EXOSC2: variants seen among roughly 807,000 people sequenced by gnomAD.
EXOSC2 encodes the protein exosome complex component RRP4.
EXOSC2 carries 29 observed loss-of-function variants against 37.6 expected under a neutral mutation model. That is an observed-to-expected ratio of 0.77 (90% confidence interval 0.57 to 1.05). The LOEUF (loss-of-function observed/expected upper bound fraction) is 1.05, where lower values mean the gene tolerates loss of function less well. Among genes scored for constraint, EXOSC2 ranks in the 50% least tolerant of loss-of-function variants. The pLI is 0.00. For missense variants in EXOSC2, 346 were observed against 365.6 expected (o/e 0.95, Z 0.44); for synonymous variants, 119 against 131.1 (o/e 0.91, Z 0.63).
intron 5 of EXOSC2, 180 bp downstream of exon 5, chr9:130,699,574 G>C: frequency 1.5e-6 from 1 of 649,058 alleles, no homozygotes. Flanking sequence ...TGACTCCCCA[G>C]CTCTTGTTGG....
intron 2 of EXOSC2, among the ~76,000 whole-genome samples, 179 bp downstream of exon 2, chr9:130,695,772 C>T (rs960872891): frequency 1.3e-5 from 2 of 151,972 alleles, no homozygotes. Flanking sequence ...AGAGGTTTCC[C>T]CATGTTATGT....
rs747107996 is a variant in EXOSC2, at chr9:130,700,920, C to T, written c.480C>T (p.Ser160=). Residue 160 remains serine (S), a synonymous_variant, in exon 6 of 9, where the codon AGC becomes AGT. Transcript: ENST00000372358. The stretch of plus-strand genomic sequence containing the variant: ...GAGCTGTCTCTTTGCACACGAGGAG[C>T]CTGAAATATGGAAAAGTAAGTCGGG... The part of the protein sequence containing the change: ...SDGAVSLHTR[S]LKYGKLGQGV... 1.9e-6 allele frequency: 3 copies of T among 1,613,854 alleles called. No individual in the cohort carries two copies. Among genetic ancestry groups the T allele is most frequent in the Admixed American group, 1.7e-5 (1 of 59,960 alleles).
intron 2 of EXOSC2, among the ~76,000 whole-genome samples, chr9:130,697,143 G>A (rs1001593582): frequency 6.6e-5 from 10 of 152,140 alleles, no homozygotes; most frequent in Admixed American, 2.0e-4. Flanking sequence ...TTAGAATCGC[G>A]GGTAAGGAAC....
rs1831153091 is a variant in EXOSC2, at chr9:130,698,898, A to G, written c.361-431A>G. ...TTTCAGTGAGAGAAGCTTGTAGGAA[A>G]GACAGGCATTGGAGTTGATCCTGGA... On this transcript the variant is annotated intron_variant, in intron 4 of 8. Transcript: ENST00000372358. The surrounding 1 kb of genome is among the most constrained non-coding windows in gnomAD (Gnocchi z 4.1). Among the ~76,000 whole-genome samples, 3 of 152,236 alleles carry G rather than the reference A, an allele frequency of 2.0e-5. No homozygotes were observed. The South Asian group carries it at 6.2e-4, about 32-fold the overall frequency.
intron 6 of EXOSC2, 95 bp downstream of exon 6, chr9:130,701,030 C>G: frequency 8.5e-7 from 1 of 1,180,450 alleles, no homozygotes; most frequent in Non-Finnish European, 1.2e-6. Context: ...CTAAAGAACC[C>G]CAGTAGCTAA....
rs375878809 is a variant in EXOSC2 at position 130,702,180 on chromosome 9, G to A, written c.542G>A (p.Arg181Gln). Residue 181 changes from arginine (R) to glutamine (Q), a missense_variant, in exon 7 of 9, where the codon CGG becomes CAG. Physicochemically the swap from Arg to Gln is conservative, Grantham distance 43. Coordinates refer to ENST00000372358, the MANE Select transcript of EXOSC2 (RefSeq NM_014285.7). ...LVQVSPSLVK[R>Q]QKTHFHDLPC... ...CAGGTTTCCCCCTCCCTGGTGAAAC[G>A]GCAGAAGACCCACTTTCATGATTTG... 29 of 1,613,900 alleles carry A rather than the reference G, an allele frequency of 1.8e-5. No individual in the cohort carries two copies. Among genetic ancestry groups the A allele is most frequent in the Admixed American group, 6.7e-5 (4 of 59,978 alleles).
intron 3 of EXOSC2, 59 bp downstream of exon 3, chr9:130,697,686 T>C (rs1831125941): frequency 1.3e-6 from 2 of 1,494,956 alleles, no homozygotes; most frequent in East Asian, 2.3e-5. Flanking sequence ...ATTTCATTCA[T>C]GGGACAGTCA....
chr9:130,697,555 A>T, intron 2 of EXOSC2, 27 bp from the exon 3 acceptor site: 3 of 1,612,618 alleles, frequency 1.9e-6, no homozygotes, highest in Non-Finnish European at 2.5e-6. Flanking sequence ...TCACAGATGG[A>T]TGAACCCCTT....
Position 130,695,503 on chromosome 9 carries a change from C to T in EXOSC2, c.134C>T (p.Thr45Met), listed in dbSNP as rs748117919. Residue 45 changes from threonine to methionine, a missense_variant, in exon 2 of 9, where the codon ACG becomes ATG. By Grantham distance (81) the Thr-to-Met change is moderately conservative (BLOSUM62 -1). Coordinates refer to ENST00000372358, the MANE Select transcript of EXOSC2 (RefSeq NM_014285.7). ...TCGCCTTGCATCAGGGGCCATGGAA[C>T]GTATATGGGAGAAGAGAAGCTCATT... ...TDTGFMRGHG[T>M]YMGEEKLIAS... The T allele has an allele frequency of 1.1e-5, 17 of 1,613,818 alleles. No homozygotes were observed. The highest frequency in any genetic ancestry group is 1.6e-4 in the Middle Eastern group (1 of 6,084).
At position 130,698,244 on chromosome 9, in the gene EXOSC2, G is replaced by T; in HGVS notation, c.353G>T (p.Gly118Val). 6.2e-7 allele frequency: 1 copy of T among 1,613,996 alleles called. No individual in the cohort carries two copies. The highest frequency in any genetic ancestry group is 8.5e-7 in the Non-Finnish European group (1 of 1,180,018). ...LLLSSMNLPG[G>V]ELRRRSAEDE... is the part of the protein sequence containing the mutation. ...CTCTCGTCCATGAACCTTCCTGGAG[G>T]AGAGCTGGTAAGGGCTACAGCTGGG... Residue 118 changes from glycine (G) to valine (V), a missense_variant, in exon 4 of 9, where the codon GGA becomes GTA. By Grantham distance (109) the Gly-to-Val change is moderately radical. Coordinates refer to ENST00000372358, the MANE Select transcript of EXOSC2 (RefSeq NM_014285.7). This position sits in a 1 kb window ranked among gnomAD's most constrained non-coding sequence, Gnocchi z 4.1.
At chr9:130,699,596 A>G (rs773017395) in intron 5 of EXOSC2, 2 of 602,398 alleles carry the variant, frequency 3.3e-6, no homozygotes, top group Non-Finnish European at 5.9e-6. Context: ...ACCTGCTGCT[A>G]AGTCATTTCT....
rs1007683209 is a variant in EXOSC2 at position 130,704,093 on chromosome 9, C to A, written c.*319C>A. ...TGGAGAATCCTTTGTCTTCCACTCA[C>A]TGTCATTCACAAGGCACAGTGCCCC... On this transcript the variant is annotated 3_prime_UTR_variant, in exon 9 of 9. Coordinates refer to ENST00000372358, the MANE Select transcript of EXOSC2 (RefSeq NM_014285.7). 1 of 197,688 alleles carries A rather than the reference C, an allele frequency of 5.1e-6. No individual in the cohort carries two copies. Among genetic ancestry groups the A allele is most frequent in the African/African-American group, 2.3e-5 (1 of 43,206 alleles). 12.2% of individuals were successfully genotyped at this position (197,688 alleles called of 1,614,324 possible).
rs766120216 is a variant in EXOSC2 at position 130,702,145 on chromosome 9, G to A, written c.507G>A (p.Gly169=). Residue 169 remains glycine, a synonymous_variant, in exon 7 of 9, where the codon GGG becomes GGA. Coordinates refer to ENST00000372358, the MANE Select transcript of EXOSC2 (RefSeq NM_014285.7). ...ATATATTTCTTTAGCTAGGTCAGGG[G>A]GTTTTGGTCCAGGTTTCCCCCTCCC... ...RSLKYGKLGQ[G]VLVQVSPSLV... is the part of the protein sequence containing the mutation. 1 of 1,613,980 alleles carries A rather than the reference G, an allele frequency of 6.2e-7. No homozygotes were observed. Among genetic ancestry groups the A allele is most frequent in the South Asian group, 1.1e-5 (1 of 91,070 alleles).
chr9:130,695,940 A>G (rs1266210626), intron 2 of EXOSC2, among the ~76,000 whole-genome samples: 4 of 145,536 alleles, frequency 2.7e-5, no homozygotes, highest in Non-Finnish European at 4.5e-5. Context: ...GGCTCACTAC[A>G]ACCTTCGCCT....
chr9:130,701,793 C>T (rs1358748073), intron 6 of EXOSC2: 4 of 1,045,876 alleles, frequency 3.8e-6, no homozygotes, highest in African/African-American at 1.7e-5. Context: ...TGGAACAACG[C>T]AGTGCTCCTG....
intron 5 of EXOSC2, among the ~76,000 whole-genome samples, chr9:130,700,358 TTTATTTATTTA>T (rs1831188200): frequency 1.4e-5 from 2 of 148,056 alleles, no homozygotes; most frequent in Admixed American, 1.4e-4. Flanking sequence ...TATTTATTTA[TTTATTTATTTA>T]TTTTTTTGAG....
chr9:130,699,948 A>C (rs1479584995), intron 5 of EXOSC2, among the ~76,000 whole-genome samples: 1 of 152,218 alleles, frequency 6.6e-6, no homozygotes, highest in Non-Finnish European at 1.5e-5. Flanking sequence ...TCAAGGCTAC[A>C]GTAAGCTATG....
At chr9:130,701,699 G>A in intron 6 of EXOSC2, 1 of 873,866 alleles carries the variant, frequency 1.1e-6, no homozygotes, top group Non-Finnish European at 1.4e-6. Context: ...TTTGCACCCA[G>A]CTCCACCCAT....
At chr9:130,701,161 C>A in intron 6 of EXOSC2, 1 of 464,138 alleles carries the variant, frequency 2.2e-6, no homozygotes, top group Non-Finnish European at 3.9e-6. Flanking sequence ...TATCCTTTTT[C>A]TCCAAGGAGA....
Sources: gnomAD v4.1 joint callset for allele counts (sites outside exome capture counted in the v4.1 genomes callset) on GRCh38, gnomAD v4.1.1 for gene constraint, Gnocchi (gnomAD v3.1) non-coding constraint, MANE v1.5 for transcripts, NCBI Gene and HGNC (gene_info 2026-07-23, HGNC 2026-07-21) for gene names.